IDE: variants seen among roughly 807,000 people sequenced by gnomAD.
IDE encodes the protein insulin-degrading enzyme.
A neutral mutation model predicts 133.2 loss-of-function variants in IDE; 58 were observed. That is an observed-to-expected ratio of 0.44 (90% confidence interval 0.35 to 0.54). The LOEUF (loss-of-function observed/expected upper bound fraction) is 0.54. Ranked by LOEUF, IDE falls within the 20% of genes least tolerant of loss-of-function variation. The pLI is 0.00. For synonymous variants in IDE, 396 were observed against 421.3 expected (o/e 0.94, Z 0.73); for missense variants, 981 against 1,234.0 (o/e 0.79, Z 3.07).
intron 1 of IDE, among the ~76,000 whole-genome samples, chr10:92,552,856 T>TAAAAAAAAAA: frequency 1.2e-4 from 1 of 8,356 alleles, no homozygotes; most frequent in Non-Finnish European, 2.1e-4. Flanking sequence ...AGACTCAGTC[T>TAAAAAAAAAA]CAAAAAAAAA....
At chr10:92,538,419 C>CGGT (rs1564661659) in intron 1 of IDE, among the ~76,000 whole-genome samples, 1 of 152,124 alleles carries the variant, frequency 6.6e-6, no homozygotes, top group African/African-American at 2.4e-5. Flanking sequence ...AATAAGAGAC[C>CGGT]GGTGCTGTCC....
Position 92,573,981 on chromosome 10 carries a change from C to T in IDE, c.39G>A (p.Leu13=), listed in dbSNP as rs1236818389. Residue 13 remains leucine (L), a synonymous_variant, in exon 1 of 25, where the codon CTG becomes CTA. Coordinates refer to ENST00000265986, the MANE Select transcript of IDE (RefSeq NM_004969.4). ...CGAGGACTGAGCGGAAGGTGCTGGG[C>T]AGTGCGGGGTGCAGAAGCCACGCTA... The part of the protein sequence containing the change: ...YRLAWLLHPA[L]PSTFRSVLGA... 6.0e-6 allele frequency: 9 copies of T among 1,507,766 alleles called. No individual in the cohort carries two copies. Among genetic ancestry groups the T allele is most frequent in the Non-Finnish European group, 8.0e-6 (9 of 1,130,686 alleles). 93.4% of individuals were successfully genotyped at this position (1,507,766 alleles called of 1,614,324 possible).
chr10:92,573,039 T>A, intron 1 of IDE: 1 of 985,426 alleles, frequency 1.0e-6, no homozygotes, highest in African/African-American at 1.7e-5. Context: ...AGGTGCTGGC[T>A]ATTACTGATT....
chr10:92,573,889 G>C (rs1328294154), intron 1 of IDE, 33 bp downstream of exon 1: 4 of 1,401,748 alleles, frequency 2.9e-6, no homozygotes, highest in Non-Finnish European at 3.7e-6. Context: ...TGACCCACGG[G>C]GCCCGAGGGC....
intron 1 of IDE, among the ~76,000 whole-genome samples, chr10:92,555,923 C>CA (rs1842980476): frequency 6.6e-6 from 1 of 152,072 alleles, no homozygotes; most frequent in Admixed American, 6.6e-5. Flanking sequence ...CCTGTAATCC[C>CA]AGCACTTTGG....
intron 4 of IDE, among the ~76,000 whole-genome samples, chr10:92,524,846 C>T (rs1471264358): frequency 2.0e-5 from 3 of 151,864 alleles, no homozygotes; most frequent in Non-Finnish European, 2.9e-5. Context: ...TGCTTGAACA[C>T]GGAAGTTGCA....
At chr10:92,549,691 T>C (rs1447424780) in intron 1 of IDE, among the ~76,000 whole-genome samples, 2 of 151,974 alleles carry the variant, frequency 1.3e-5, no homozygotes, top group African/African-American at 2.4e-5. Context: ...TATACTTGTT[T>C]AGGGAATAAA....
rs188775221 is a variant in IDE at position 92,479,612 on chromosome 10, T to A, written c.1740-191A>T. On this transcript the variant is annotated intron_variant, in intron 14 of 24. Transcript: ENST00000265986. ...AAAAGAAGCCTGAAGTGTGTGTGAG[T>A]GTGTGTGTGTGTGTGTGCATGCGTG... is the stretch of plus-strand genomic sequence containing the variant. 5.4e-3 allele frequency: 773 copies of A among 142,144 alleles called. 2 individuals carry two copies. Among genetic ancestry groups the A allele is most frequent in the Middle Eastern group, 0.042 (19 of 448 alleles). 8.8% of individuals were successfully genotyped at this position (142,144 alleles called of 1,614,324 possible).
chr10:92,538,373 C>G (rs1248305965), intron 1 of IDE, among the ~76,000 whole-genome samples: 2 of 152,158 alleles, frequency 1.3e-5, no homozygotes, highest in African/African-American at 2.4e-5. Context: ...GGGAACAACC[C>G]CCAATGAGGA....
At chr10:92,509,963 C>A in intron 6 of IDE, 87 bp downstream of exon 6, 13 of 582,744 alleles carry the variant, frequency 2.2e-5, no homozygotes, top group South Asian at 7.9e-5. Flanking sequence ...ATGAAACCTC[C>A]AAAAATTTTC....
chr10:92,471,991 A>G (rs1257500984), intron 17 of IDE, among the ~76,000 whole-genome samples: 1 of 152,158 alleles, frequency 6.6e-6, no homozygotes, highest in Non-Finnish European at 1.5e-5. Flanking sequence ...ACCACACTGA[A>G]CCCTGAAGTT....
At position 92,537,506 on chromosome 10, in the gene IDE, T is replaced by G; in HGVS notation, c.143A>C (p.Lys48Thr). The G allele has an allele frequency of 5.6e-6, 9 of 1,611,012 alleles. No individual in the cohort carries two copies. The highest frequency in any genetic ancestry group is 7.6e-6 in the Non-Finnish European group (9 of 1,179,212). Residue 48 changes from lysine to threonine, a missense_variant, in exon 2 of 25, where the codon AAG (lysine) becomes ACG (threonine). By Grantham distance (78) the Lys-to-Thr change is moderately conservative (BLOSUM62 -1). Coordinates refer to ENST00000265986, the MANE Select transcript of IDE (RefSeq NM_004969.4). The stretch of plus-strand genomic sequence containing the variant: ...CTTGGTAATGTGATTTCCTATTCTC[T>G]TGATGGCTGGATTATTCATTTTGCT... ...TYSKMNNPAI[K>T]RIGNHITKSP...
intron 1 of IDE, among the ~76,000 whole-genome samples, chr10:92,567,301 C>A (rs1843600553): frequency 1.3e-5 from 2 of 152,172 alleles, no homozygotes; most frequent in Admixed American, 1.3e-4. Flanking sequence ...TTTCCCTACC[C>A]TGGTGGCCCC....
intron 11 of IDE, among the ~76,000 whole-genome samples, chr10:92,492,570 G>C (rs1847420649): frequency 1.3e-5 from 2 of 152,172 alleles, no homozygotes; most frequent in Admixed American, 6.5e-5. Flanking sequence ...AGTCAGTCCT[G>C]CTATTGGTTC....
chr10:92,536,913 C>T (rs1156270495), intron 2 of IDE, among the ~76,000 whole-genome samples: 3 of 151,700 alleles, frequency 2.0e-5, no homozygotes, highest in Admixed American at 2.0e-4. Context: ...AGGCCCATGC[C>T]TGTAGTCCCA....
chr10:92,478,659 T>C, intron 15 of IDE: 1 of 1,255,204 alleles, frequency 8.0e-7, no homozygotes, highest in Non-Finnish European at 1.0e-6. Flanking sequence ...ATTGCATTCA[T>C]TCCTGATGCA....
intron 14 of IDE, among the ~76,000 whole-genome samples, chr10:92,482,466 T>G (rs535459791): frequency 1.3e-5 from 2 of 152,260 alleles, no homozygotes; most frequent in Middle Eastern, 3.4e-3. Context: ...AAGCCAGAAA[T>G]AGAGGAAGCA....
chr10:92,472,420 T>A (rs993360428), intron 17 of IDE, among the ~76,000 whole-genome samples: 3 of 152,188 alleles, frequency 2.0e-5, no homozygotes, highest in Admixed American at 1.3e-4. Context: ...ATGACCATAA[T>A]CATTTTGCAA....
intron 11 of IDE, among the ~76,000 whole-genome samples, chr10:92,502,892 A>C (rs1848100682): frequency 6.6e-6 from 1 of 152,210 alleles, no homozygotes; most frequent in Non-Finnish European, 1.5e-5. Flanking sequence ...CTGTATCATA[A>C]TCAATTCTTG....
Sources: gnomAD v4.1 joint callset for allele counts (sites outside exome capture counted in the v4.1 genomes callset) on GRCh38, gnomAD v4.1.1 for gene constraint, MANE v1.5 for transcripts, NCBI Gene and HGNC (gene_info 2026-07-23, HGNC 2026-07-21) for gene names.